Variants in VAC14 observed in about 807,000 individuals in gnomAD.
VAC14 encodes protein VAC14 homolog.
VAC14 carries 47 observed loss-of-function variants against 85.3 expected under a neutral mutation model. That is an observed-to-expected ratio of 0.55 (90% CI 0.44 to 0.70). The LOEUF (loss-of-function observed/expected upper bound fraction) is 0.70. VAC14 is among the 30% of genes least tolerant of loss of function. The pLI is 0.00. For synonymous variants in VAC14, 447 were observed against 430.5 expected (o/e 1.04, Z -0.47); for missense variants, 861 against 1,004.3 (o/e 0.86, Z 1.93).
intron 1 of VAC14, among the ~76,000 whole-genome samples, chr16:70,799,424 G>T (rs2034674862): frequency 6.6e-6 from 1 of 152,198 alleles, no homozygotes; most frequent in South Asian, 2.1e-4. Flanking sequence ...CTGAATGGAG[G>T]CAGGGTGGGG....
intron 14 of VAC14, among the ~76,000 whole-genome samples, chr16:70,721,531 T>C (rs969076203): frequency 6.6e-6 from 1 of 151,990 alleles, no homozygotes; most frequent in African/African-American, 2.4e-5. Context: ...GTGGGGATTT[T>C]CCTCAGGCTA....
intron 13 of VAC14, among the ~76,000 whole-genome samples, chr16:70,737,282 G>A (rs775071296): frequency 1.2e-4 from 18 of 152,320 alleles, no homozygotes; most frequent in Non-Finnish European, 2.4e-4. Context: ...CTCAGGGCAC[G>A]CCCTCCAACA....
intron 17 of VAC14, among the ~76,000 whole-genome samples, chr16:70,693,426 C>T (rs1427553767): frequency 6.6e-6 from 1 of 152,208 alleles, no homozygotes; most frequent in Non-Finnish European, 1.5e-5. Flanking sequence ...ATAGGGTGTG[C>T]TGGAGAGAAA....
intron 14 of VAC14, among the ~76,000 whole-genome samples, chr16:70,718,573 TAA>T (rs1202785836): frequency 7.0e-6 from 1 of 143,238 alleles, no homozygotes; most frequent in African/African-American, 2.6e-5. Flanking sequence ...GACTCCTTTT[TAA>T]AAAAAAAAAA....
intron 14 of VAC14, among the ~76,000 whole-genome samples, chr16:70,721,265 C>T (rs1303044866): frequency 2.6e-5 from 4 of 152,158 alleles, no homozygotes; most frequent in Admixed American, 1.3e-4. Flanking sequence ...GGTGCTTCAC[C>T]TCTGCCTGAG....
intron 1 of VAC14, among the ~76,000 whole-genome samples, chr16:70,799,562 T>A (rs973135293): frequency 2.6e-5 from 4 of 152,246 alleles, no homozygotes; most frequent in African/African-American, 9.6e-5. Context: ...CATTTAGCAA[T>A]GTCTGAAGAC....
At chr16:70,799,200 A>G (rs2034664979) in intron 1 of VAC14, among the ~76,000 whole-genome samples, 1 of 152,246 alleles carries the variant, frequency 6.6e-6, no homozygotes, top group Non-Finnish European at 1.5e-5. Flanking sequence ...CTAGGTGTCA[A>G]GGCAACTTCA....
In VAC14 at chr16:70,785,743, C is replaced by G; in HGVS notation, c.382G>C (p.Val128Leu). The G allele has an allele frequency of 6.4e-7, 1 of 1,570,714 alleles. No homozygotes were observed. Among genetic ancestry groups the G allele is most frequent in the Non-Finnish European group, 8.6e-7 (1 of 1,156,746 alleles). The change falls in exon 3 of 19, where the codon GTG becomes CTG. Residue 128 changes from valine to leucine, a missense_variant. Transcript: ENST00000261776. The part of the protein sequence containing the change: ...YNIVKVARGA[V>L]LPHFNVLFDG... ...AAGAGCACGTTGAAGTGGGGCAGCA[C>G]AGCGCCCCGGGCCACCTTGACGATG... is the stretch of plus-strand genomic sequence containing the variant.
In VAC14 at chr16:70,784,764, A is replaced by C. The variant is rs747778381; in HGVS notation, c.486+12T>G. On this transcript the variant is annotated intron_variant, in intron 4 of 18. Coordinates refer to ENST00000261776, the MANE Select transcript of VAC14 (RefSeq NM_018052.5). ...GATTGTAGAAATAAAAGTGGGGACAAAGTACAAATACCTTTAAAAGGCGGT... is the reference window on the plus strand; with the variant it reads ...GATTGTAGAAATAAAAGTGGGGACACAGTACAAATACCTTTAAAAGGCGGT... 7.4e-6 allele frequency: 12 copies of C among 1,613,554 alleles called. 1 individual carries two copies. In the Admixed American group the frequency reaches 2.0e-4, roughly 27 times the overall value.
intron 14 of VAC14, among the ~76,000 whole-genome samples, chr16:70,724,271 GTA>G (rs2054366072): frequency 6.6e-6 from 1 of 152,174 alleles, no homozygotes; most frequent in African/African-American, 2.4e-5. Flanking sequence ...GTGCCAGTGT[GTA>G]TGACACTGTG....
At chr16:70,789,205 G>T (rs1194122046) in intron 1 of VAC14, among the ~76,000 whole-genome samples, 1 of 152,252 alleles carries the variant, frequency 6.6e-6, no homozygotes, top group Non-Finnish European at 1.5e-5. Flanking sequence ...ACAGAAGGCG[G>T]TGGGAGGACT....
intron 12 of VAC14, among the ~76,000 whole-genome samples, chr16:70,749,432 G>C (rs940551747): frequency 1.3e-5 from 2 of 152,268 alleles, no homozygotes; most frequent in East Asian, 3.8e-4. Context: ...AGCCGGAAAT[G>C]TTGTCTACAG....
At chr16:70,708,593 G>A (rs1421496434) in intron 14 of VAC14, among the ~76,000 whole-genome samples, 1 of 152,228 alleles carries the variant, frequency 6.6e-6, no homozygotes, top group Non-Finnish European at 1.5e-5. Flanking sequence ...TTAGAAAAGA[G>A]GCTGCGCCTT....
In VAC14 at chr16:70,784,279, CT is replaced by C; in HGVS notation, c.487-60del. The stretch of plus-strand genomic sequence containing the variant: ...CCGAGACCAGGGCTGCCTGACCTCG[CT>C]GAATCACTTGCCCAGGGCTGGCTCC... On this transcript the variant is annotated intron_variant, in intron 4 of 18. Transcript: ENST00000261776. The C allele has an allele frequency of 2.1e-6, 3 of 1,432,274 alleles. No homozygotes were observed. In the Admixed American group the frequency reaches 5.2e-5, roughly 25 times the overall value. The allele number at this position is 1,432,274 out of a possible 1,614,324, so 88.7% of individuals were successfully genotyped here. A position where few individuals can be genotyped will look rare whatever the true frequency, so the allele number is the denominator to read the frequency against.
intron 7 of VAC14, 44 bp from the exon 8 acceptor site, chr16:70,782,047 C>A (rs779803926): frequency 1.9e-6 from 3 of 1,599,540 alleles, no homozygotes; most frequent in Non-Finnish European, 2.6e-6. Flanking sequence ...GCACACGCAG[C>A]CCGAGTGCTC....
intron 9 of VAC14, among the ~76,000 whole-genome samples, chr16:70,778,084 G>A (rs2033611810): frequency 6.6e-6 from 1 of 152,210 alleles, no homozygotes; most frequent in South Asian, 2.1e-4. Flanking sequence ...CTGCTGAAAT[G>A]CTGTTTATGA....
chr16:70,738,785 G>A (rs974436195), intron 13 of VAC14, among the ~76,000 whole-genome samples: 6 of 152,308 alleles, frequency 3.9e-5, no homozygotes, highest in African/African-American at 9.6e-5. Flanking sequence ...CAGGGATTCC[G>A]GGGTAAGTAA....
At chr16:70,713,743 C>T (rs1478851456) in intron 14 of VAC14, among the ~76,000 whole-genome samples, 1 of 150,444 alleles carries the variant, frequency 6.6e-6, no homozygotes, top group Non-Finnish European at 1.5e-5. Context: ...GGGGTCTTGC[C>T]ATGTTGCCCA....
At chr16:70,720,763 G>A (rs376279176) in intron 14 of VAC14, among the ~76,000 whole-genome samples, 6 of 152,350 alleles carry the variant, frequency 3.9e-5, no homozygotes, top group Admixed American at 1.3e-4. Flanking sequence ...AGGAGGCCCC[G>A]ATGGCCCCAT....
Sources: allele counts gnomAD v4.1 joint callset (sites outside exome capture counted in the v4.1 genomes callset), GRCh38; gene constraint gnomAD v4.1.1; transcripts MANE v1.5; gene names NCBI Gene and HGNC (gene_info 2026-07-23, HGNC 2026-07-21).